ERBB4: variants seen among roughly 807,000 people sequenced by gnomAD.
The protein encoded by ERBB4 is receptor tyrosine-protein kinase erbB-4.
Under a neutral mutation model 158.0 loss-of-function variants are expected in ERBB4, and 42 were observed. That is an observed-to-expected ratio of 0.27 (90% CI 0.21 to 0.34). ERBB4 has a LOEUF of 0.34. ERBB4 is among the 10% of genes least tolerant of loss of function. ERBB4 has a pLI of 1.00. For missense variants in ERBB4, 1,333 were observed against 1,624.1 expected (o/e 0.82, Z 3.08); for synonymous variants, 583 against 558.7 (o/e 1.04, Z -0.61).
rs1186772138 is a variant in ERBB4, at chr2:211,705,333, C to T, written c.1183G>A (p.Val395Ile). 1.9e-6 allele frequency: 3 copies of T among 1,610,798 alleles called. No homozygotes were observed. In the African/African-American group the frequency reaches 4.0e-5, roughly 22 times the overall value. Reference protein sequence around the residue: ...DPEKLNVFRTVREITGFLNIQ... With the variant: ...DPEKLNVFRTIREITGFLNIQ... ...AAAAAATTACCTGTTATCTCTCTGA[C>T]TGTCCGAAAGACGTTCAGTTTCTCT... Residue 395 changes from valine to isoleucine, a missense_variant, in exon 10 of 28, where the codon GTC becomes ATC. Val to Ile is a conservative substitution (Grantham distance 29). This residue lies in a region of ERBB4 where 438 missense variants were observed against 586.9 expected (regional missense o/e 0.75). Transcript: ENST00000342788.
chr2:212,325,675 A>T (rs2087792718), intron 1 of ERBB4, among the ~76,000 whole-genome samples: 1 of 150,586 alleles, frequency 6.6e-6, no homozygotes, highest in Non-Finnish European at 1.5e-5. Flanking sequence ...AGAGTTTAGA[A>T]TTTATCATTC....
Position 211,972,022 on chromosome 2 carries a change from C to A in ERBB4, c.235-24406G>T, listed in dbSNP as rs368044649. Among the ~76,000 whole-genome samples, 129 of 152,312 alleles carry A rather than the reference C, an allele frequency of 8.5e-4. 3 individuals carry two copies. The South Asian group carries it at 0.024, about 28-fold the overall frequency. On this transcript the variant is annotated intron_variant, in intron 2 of 27. Coordinates refer to ENST00000342788, the MANE Select transcript of ERBB4 (RefSeq NM_005235.3). Reference sequence around the variant, plus strand: ...TTCTATATCTAGAAAACCCCATAGTCTCAGCCCAAAGGCTTCTTAAGCTGA... The same window carrying A: ...TTCTATATCTAGAAAACCCCATAGTATCAGCCCAAAGGCTTCTTAAGCTGA...
chr2:211,448,945 C>A (rs1222058853), intron 20 of ERBB4, among the ~76,000 whole-genome samples: 2 of 151,956 alleles, frequency 1.3e-5, no homozygotes, highest in African/African-American at 4.8e-5. Context: ...TATACATGCT[C>A]AATATATTTC....
At chr2:212,074,103 G>T (rs1281527950) in intron 2 of ERBB4, among the ~76,000 whole-genome samples, 1 of 152,024 alleles carries the variant, frequency 6.6e-6, no homozygotes, top group African/African-American at 2.4e-5. Flanking sequence ...GAGTCAAATA[G>T]TGTAGGCAAA....
At chr2:211,570,438 T>C (rs1475578513) in intron 19 of ERBB4, among the ~76,000 whole-genome samples, 2 of 150,538 alleles carry the variant, frequency 1.3e-5, no homozygotes, top group Admixed American at 6.7e-5. Flanking sequence ...AGTGCTAGGA[T>C]TACAGGCATG....
At chr2:211,564,324 G>A (rs1260304596) in intron 19 of ERBB4, among the ~76,000 whole-genome samples, 1 of 152,068 alleles carries the variant, frequency 6.6e-6, no homozygotes, top group African/African-American at 2.4e-5. Flanking sequence ...ATGCTTCAGA[G>A]TACATTTAGG....
intron 1 of ERBB4, among the ~76,000 whole-genome samples, chr2:212,389,157 T>C (rs1189752572): frequency 6.6e-6 from 1 of 152,088 alleles, no homozygotes; most frequent in Non-Finnish European, 1.5e-5. Flanking sequence ...AGCATAACAT[T>C]AGCAAACCCC....
intron 20 of ERBB4, among the ~76,000 whole-genome samples, chr2:211,489,212 A>G (rs2065278165): frequency 6.6e-6 from 1 of 152,110 alleles, no homozygotes; most frequent in African/African-American, 2.4e-5. Flanking sequence ...TTATTGTTTC[A>G]TTAATTCTAT....
chr2:212,537,148 GGC>G (rs1201489057), intron 1 of ERBB4, among the ~76,000 whole-genome samples: 336 of 131,446 alleles, frequency 2.6e-3, no homozygotes, highest in African/African-American at 0.011. Context: ...CGGCGGCGGC[GGC>G]GGCGGAGCGG....
At chr2:212,044,959 G>A (rs754563967) in intron 2 of ERBB4, among the ~76,000 whole-genome samples, 2 of 151,868 alleles carry the variant, frequency 1.3e-5, no homozygotes, top group African/African-American at 2.4e-5. Flanking sequence ...AAGATCTAAT[G>A]AGCCTCTGAC....
At chr2:211,471,146 CA>C (rs2064818054) in intron 20 of ERBB4, among the ~76,000 whole-genome samples, 1 of 151,840 alleles carries the variant, frequency 6.6e-6, no homozygotes, top group Admixed American at 6.6e-5. Flanking sequence ...TGAAGAGAGA[CA>C]AAAAGACAGA....
intron 2 of ERBB4, among the ~76,000 whole-genome samples, chr2:212,007,220 A>G (rs1197025112): frequency 2.0e-5 from 3 of 151,986 alleles, no homozygotes; most frequent in African/African-American, 7.2e-5. Flanking sequence ...GTTTGATTAC[A>G]TGTGCTAGAA....
intron 16 of ERBB4, among the ~76,000 whole-genome samples, chr2:211,644,192 GTTT>G: frequency 6.6e-6 from 1 of 152,038 alleles, no homozygotes; most frequent in Middle Eastern, 3.4e-3. Flanking sequence ...TTTAAATTAT[GTTT>G]TTAACTTAGA....
intron 1 of ERBB4, among the ~76,000 whole-genome samples, chr2:212,377,405 G>A (rs2090360970): frequency 6.6e-6 from 1 of 151,692 alleles, no homozygotes; most frequent in South Asian, 2.1e-4. Context: ...AATTTAGGTG[G>A]TATAGCCTTC....
At chr2:212,221,139 T>C (rs17345520) in intron 1 of ERBB4, among the ~76,000 whole-genome samples, 24,469 of 151,196 alleles carry the variant, frequency 0.16, 2,412 homozygotes, top group Non-Finnish European at 0.21. Flanking sequence ...AGTCTCCAGT[T>C]GCAAATATAT....
At chr2:211,514,245 T>C (rs1433886569) in intron 20 of ERBB4, among the ~76,000 whole-genome samples, 1 of 152,158 alleles carries the variant, frequency 6.6e-6, no homozygotes, top group African/African-American at 2.4e-5. Flanking sequence ...CTAAGTTTTG[T>C]TTCGATGTTG....
chr2:212,115,180 AT>A (rs2079534681), intron 2 of ERBB4, among the ~76,000 whole-genome samples: 1 of 152,018 alleles, frequency 6.6e-6, no homozygotes, highest in Non-Finnish European at 1.5e-5. Context: ...CAAATTAGAG[AT>A]CAGGAGAAAT....
At chr2:212,482,703 A>G (rs972950236) in intron 1 of ERBB4, among the ~76,000 whole-genome samples, 2 of 152,120 alleles carry the variant, frequency 1.3e-5, no homozygotes, top group African/African-American at 4.8e-5. Context: ...TGCAACCTCT[A>G]TCTCCTGGGT....
At chr2:212,344,529 T>C (rs890350569) in intron 1 of ERBB4, among the ~76,000 whole-genome samples, 3 of 152,064 alleles carry the variant, frequency 2.0e-5, no homozygotes, top group African/African-American at 4.8e-5. Context: ...TATGTGTGTA[T>C]ATATATACAC....
Sources: allele counts gnomAD v4.1 joint callset (sites outside exome capture counted in the v4.1 genomes callset), GRCh38; gene constraint gnomAD v4.1.1; regional missense constraint gnomAD v4.1.1; transcripts MANE v1.5; gene names NCBI Gene and HGNC (gene_info 2026-07-23, HGNC 2026-07-21).